The following CCDC149 variants were observed in gnomAD, a reference collection of about 807,000 sequenced individuals.
The protein encoded by CCDC149 is coiled-coil domain containing 149.
A neutral mutation model predicts 59.9 loss-of-function variants in CCDC149; 45 were observed. The observed-to-expected ratio is 0.75, with a 90% CI of 0.59 to 0.96. CCDC149 has a LOEUF of 0.96. Ranked by LOEUF, CCDC149 falls within the 40% of genes least tolerant of loss-of-function variation. The pLI, the probability that CCDC149 is intolerant of heterozygous loss-of-function variation, is 0.00. For missense variants in CCDC149, 584 were observed against 664.7 expected, an observed-to-expected ratio of 0.88 and a Z score of 1.33; for synonymous variants, 245 against 260.6, an observed-to-expected ratio of 0.94 and a Z score of 0.58.
At chr4:24,836,592 C>A in intron 6 of CCDC149, 84 bp from the exon 7 acceptor site, 1 of 845,890 alleles carries the variant, frequency 1.2e-6, no homozygotes, top group Non-Finnish European at 2.0e-6. Flanking sequence ...AAAACAAAAA[C>A]CACTTGCCAG....
At chr4:24,920,876 C>G (rs1250459611) in intron 1 of CCDC149, among the ~76,000 whole-genome samples, 3 of 152,034 alleles carry the variant, frequency 2.0e-5, no homozygotes, top group Non-Finnish European at 4.4e-5. Flanking sequence ...GTCACTTAAG[C>G]CAAACCATGG....
At chr4:24,838,062 T>C (rs761451666) in intron 5 of CCDC149, 94 bp downstream of exon 5, 17 of 976,054 alleles carry the variant, frequency 1.7e-5, no homozygotes, top group Non-Finnish European at 2.5e-5. Context: ...AGGCACCCCA[T>C]ACTCTGAGAA....
intron 1 of CCDC149, among the ~76,000 whole-genome samples, chr4:24,890,839 G>A (rs180768524): frequency 7.9e-5 from 12 of 152,328 alleles, no homozygotes; most frequent in South Asian, 4.1e-4. Flanking sequence ...GAAATCAGCC[G>A]TGCAAATCCA....
At chr4:24,810,559 G>A (rs1278335776) in intron 12 of CCDC149, among the ~76,000 whole-genome samples, 1 of 152,122 alleles carries the variant, frequency 6.6e-6, no homozygotes, top group East Asian at 1.9e-4. Context: ...TTTATATCCA[G>A]GAATCTTACT....
chr4:24,913,139 C>G (rs6846327), upstream of CCDC149, among the ~76,000 whole-genome samples: 80,515 of 151,006 alleles, frequency 0.53, 23,945 homozygotes, highest in Non-Finnish European at 0.66. Context: ...GCCCTCAGCC[C>G]CGCGACCTCG....
intron 1 of CCDC149, among the ~76,000 whole-genome samples, chr4:24,972,507 C>T (rs181901533): frequency 5.6e-4 from 85 of 151,892 alleles, no homozygotes; most frequent in Non-Finnish European, 9.3e-4. Context: ...GGGGTTTTTC[C>T]GTGTTGCCCA....
intron 1 of CCDC149, among the ~76,000 whole-genome samples, chr4:24,973,681 A>G (rs1724050144): frequency 6.6e-6 from 1 of 152,256 alleles, no homozygotes; most frequent in Non-Finnish European, 1.5e-5. Flanking sequence ...CTGTGCCTAC[A>G]GCAGTCTCTG....
chr4:24,827,920 C>T (rs551088486), intron 9 of CCDC149: 1 of 152,000 alleles, frequency 6.6e-6, no homozygotes, highest in Non-Finnish European at 1.5e-5. Context: ...TCTAAGATTG[C>T]AATTGGGTCA....
At position 24,942,232 on chromosome 4, in the gene CCDC149, C is replaced by T. The variant is rs1722975666; in HGVS notation, c.-65+37837G>A. ...TGGGCTTCATCCCTGGGATGCAAGG[C>T]TGGTTCAACATACAAAAATCAATAA... On this transcript the variant is annotated intron_variant, in intron 1 of 12. Transcript: ENST00000389609. Among the ~76,000 whole-genome samples, 3 of 152,206 alleles carry T rather than the reference C, an allele frequency of 2.0e-5. No individual in the cohort carries two copies. The South Asian group carries it at 6.2e-4, about 32-fold the overall frequency.
chr4:24,855,993 G>A (rs1717981253), intron 3 of CCDC149, among the ~76,000 whole-genome samples: 1 of 152,218 alleles, frequency 6.6e-6, no homozygotes, highest in Non-Finnish European at 1.5e-5. Context: ...GACAGAGCTA[G>A]CAACACATAG....
chr4:24,823,415 TG>T (rs1715535887), intron 9 of CCDC149, among the ~76,000 whole-genome samples: 1 of 152,226 alleles, frequency 6.6e-6, no homozygotes, highest in Non-Finnish European at 1.5e-5. Context: ...ATAATATAGT[TG>T]GGAAATAATT....
intron 3 of CCDC149, among the ~76,000 whole-genome samples, chr4:24,854,078 G>A (rs1399915566): frequency 6.6e-6 from 1 of 152,072 alleles, no homozygotes; most frequent in African/African-American, 2.4e-5. Context: ...ACAGCCTCAT[G>A]GTCCCTTTCC....
chr4:24,820,336 A>C (rs1234434718), intron 11 of CCDC149: 1 of 193,738 alleles, frequency 5.2e-6, no homozygotes. Context: ...GAATTCACAA[A>C]GTCAGTGCTC....
At chr4:24,818,386 A>T (rs1358922629) in intron 12 of CCDC149, among the ~76,000 whole-genome samples, 1 of 152,220 alleles carries the variant, frequency 6.6e-6, no homozygotes, top group Admixed American at 6.5e-5. Flanking sequence ...GGGGAAAAAC[A>T]CTTTGAGTGT....
At chr4:24,813,625 C>T (rs1714816889) in intron 12 of CCDC149, among the ~76,000 whole-genome samples, 1 of 151,020 alleles carries the variant, frequency 6.6e-6, no homozygotes, top group Non-Finnish European at 1.5e-5. Flanking sequence ...GTGATCCATT[C>T]TAATTTTAAT....
intron 4 of CCDC149, among the ~76,000 whole-genome samples, chr4:24,849,822 C>T (rs1206117040): frequency 2.6e-5 from 4 of 152,194 alleles, no homozygotes; most frequent in Non-Finnish European, 4.4e-5. Flanking sequence ...CATAAAATGA[C>T]GCCATCAGCC....
At chr4:24,821,326 C>T (rs368031138) in intron 10 of CCDC149, among the ~76,000 whole-genome samples, 3 of 151,888 alleles carry the variant, frequency 2.0e-5, no homozygotes. Flanking sequence ...TGTACAAATA[C>T]ACGATCAATT....
intron 1 of CCDC149, among the ~76,000 whole-genome samples, chr4:24,960,479 A>C (rs571540761): frequency 1.3e-5 from 2 of 151,798 alleles, no homozygotes; most frequent in Non-Finnish European, 2.9e-5. Context: ...GATTGGATTA[A>C]AAATCATGAT....
rs1010456819 is a variant in CCDC149, at chr4:24,925,389, G to T, written c.-64-30271C>A. On this transcript the variant is annotated intron_variant, in intron 1 of 12. Coordinates refer to the CCDC149 transcript ENST00000389609. ...GAATAGCCTTTTTAGCCTGGTTCTT[G>T]CCTTTAAAAGACTGGGGGTGGGGTA... Among the ~76,000 whole-genome samples, 5 of 152,000 alleles carry T rather than the reference G, an allele frequency of 3.3e-5. No individual in the cohort carries two copies. The East Asian group carries it at 7.7e-4, about 23-fold the overall frequency.
Sources: allele counts gnomAD v4.1 joint callset (sites outside exome capture counted in the v4.1 genomes callset), GRCh38; gene constraint gnomAD v4.1.1; transcripts MANE v1.5; gene names NCBI Gene and HGNC (gene_info 2026-07-23, HGNC 2026-07-21).